The following HNRNPUL1 variants were observed in gnomAD, a reference collection of about 807,000 sequenced individuals.
HNRNPUL1 encodes heterogeneous nuclear ribonucleoprotein U like 1.
Under a neutral mutation model 108.5 loss-of-function variants are expected in HNRNPUL1, and 14 were observed. That is an observed-to-expected ratio of 0.13 (90% confidence interval 0.09 to 0.20). The LOEUF is 0.20. Ranked by LOEUF, HNRNPUL1 falls within the 10% of genes least tolerant of loss-of-function variation. The pLI, the probability that HNRNPUL1 is intolerant of heterozygous loss-of-function variation, is 1.00. For synonymous variants in HNRNPUL1, 422 were observed against 445.2 expected (o/e 0.95, Z 0.66); for missense variants, 804 against 1,168.3 (o/e 0.69, Z 4.55).
chr19:41,282,701 T>TG (rs898257251), intron 7 of HNRNPUL1, among the ~76,000 whole-genome samples: 1 of 150,266 alleles, frequency 6.7e-6, no homozygotes, highest in African/African-American at 2.4e-5. Context: ...TCTTTTTTTT[T>TG]TTTTTTGAGA....
In HNRNPUL1 at chr19:41,281,165, G is replaced by A; in HGVS notation, c.889G>A (p.Glu297Lys). Residue 297 changes from glutamate to lysine, a missense_variant and splice_region_variant, in exon 7 of 15, where the codon GAA becomes AAA. Physicochemically the swap from Glu to Lys is moderately conservative, Grantham distance 56. Transcript: ENST00000392006. ...SLDSCSTQLGEEPFSYGYGGT... is the reference protein window; with the variant it reads ...SLDSCSTQLGKEPFSYGYGGT... ...CCTTTGCCTATTTCTTCCGTCAGGCGAAGAGCCTTTCTCCTATGGCTATGG... is the reference window on the plus strand; with the variant it reads ...CCTTTGCCTATTTCTTCCGTCAGGCAAAGAGCCTTTCTCCTATGGCTATGG... 1 of 1,611,900 alleles carries A rather than the reference G, an allele frequency of 6.2e-7. No homozygotes were observed. Among genetic ancestry groups the A allele is most frequent in the Non-Finnish European group, 8.5e-7 (1 of 1,177,964 alleles).
rs372936991 is a variant in HNRNPUL1, at chr19:41,292,334, G to A, written c.1089G>A (p.Leu363=). ...CTTTCCGAATCCAGAAGGAAGCCTT[G>A]GGGGGTCAGGCCCTCTATCCTCATG... The part of the protein sequence containing the change: ...GIAFRIQKEA[L]GGQALYPHVL... Residue 363 remains leucine (L), a synonymous_variant, in exon 8 of 15, where the codon TTG becomes TTA. Coordinates refer to ENST00000392006, the MANE Select transcript of HNRNPUL1 (RefSeq NM_007040.6). The surrounding 1 kb of genome is among the most constrained non-coding windows in gnomAD (Gnocchi z 4.1). The A allele has an allele frequency of 2.5e-6, 4 of 1,614,086 alleles. No individual in the cohort carries two copies. The highest frequency in any genetic ancestry group is 3.3e-5 in the Admixed American group (2 of 60,008).
chr19:41,306,472 C>T lies in HNRNPUL1; in HGVS notation c.2478C>T (p.Tyr826=). 1 of 1,599,546 alleles carries T rather than the reference C, an allele frequency of 6.3e-7. No individual in the cohort carries two copies. Among genetic ancestry groups the T allele is most frequent in the Non-Finnish European group, 8.5e-7 (1 of 1,174,090 alleles). ...AGTATGCCCAGCAGTGGAACCAGTA[C>T]TATCAGAACCAGGGCCAGTGGCCGC... is the stretch of plus-strand genomic sequence containing the variant. ...YQQYAQQWNQ[Y]YQNQGQWPPY... is the part of the protein sequence containing the mutation. Residue 826 remains tyrosine, a synonymous_variant, in exon 15 of 15, where the codon TAC becomes TAT. Coordinates refer to ENST00000392006, the MANE Select transcript of HNRNPUL1 (RefSeq NM_007040.6).
At chr19:41,265,092 T>C in intron 1 of HNRNPUL1, 2 of 1,414,910 alleles carry the variant, frequency 1.4e-6, no homozygotes, top group Non-Finnish European at 9.2e-7. Context: ...AACTGCTTTC[T>C]GGAGCCGAAG....
Position 41,294,830 on chromosome 19 carries a change from A to G in HNRNPUL1, c.1518+144A>G. 1 of 912,452 alleles carries G rather than the reference A, an allele frequency of 1.1e-6. No homozygotes were observed. Among genetic ancestry groups the G allele is most frequent in the Non-Finnish European group, 1.7e-6 (1 of 595,268 alleles). 56.5% of individuals were successfully genotyped at this position (912,452 alleles called of 1,614,324 possible). On this transcript the variant is annotated intron_variant, in intron 10 of 14. Coordinates refer to ENST00000392006, the MANE Select transcript of HNRNPUL1 (RefSeq NM_007040.6). The surrounding 1 kb of genome is among the most constrained non-coding windows in gnomAD (Gnocchi z 4.3). ...TCGGGGGGGTCAGACCTTGTCATAC[A>G]TGATGACATGGTACTACACACAGCT...
chr19:41,269,693 CTCAGAAGACTGAG>C (rs2035095415), intron 2 of HNRNPUL1, among the ~76,000 whole-genome samples: 2 of 151,858 alleles, frequency 1.3e-5, no homozygotes, highest in Non-Finnish European at 2.9e-5. Context: ...GTCCCAGCTA[CTCAGAAGACTGAG>C]TCAGGAGGAT....
At chr19:41,276,455 C>A in intron 5 of HNRNPUL1, 157 bp downstream of exon 5, 1 of 685,532 alleles carries the variant, frequency 1.5e-6, no homozygotes, top group Non-Finnish European at 2.3e-6. Flanking sequence ...AAGACAACTA[C>A]ATCATTGCTA....
At chr19:41,299,059 C>T (rs908169223) in intron 10 of HNRNPUL1, 4 of 152,176 alleles carry the variant, frequency 2.6e-5, no homozygotes, top group African/African-American at 9.7e-5. Context: ...CCAGATGCCA[C>T]GTTCTGCTTT....
Position 41,304,195 on chromosome 19 carries a change from C to T in HNRNPUL1, c.2196C>T (p.Asn732=), listed in dbSNP as rs1172150222. Residue 732 remains asparagine (N), a synonymous_variant, in exon 13 of 15, where the codon AAC becomes AAT. Transcript: ENST00000392006. ...NPPGASTYNK[N]SNIPGSSANT... ...CAGGGGCCAGCACCTACAATAAGAA[C>T]AGCAACATCCCTGGCTCAAGCGCCA... The T allele has an allele frequency of 1.9e-6, 3 of 1,613,984 alleles. No homozygotes were observed. The highest frequency in any genetic ancestry group is 2.2e-5 in the East Asian group (1 of 44,896).
chr19:41,281,420 T>C, intron 7 of HNRNPUL1, 145 bp downstream of exon 7: 1 of 612,404 alleles, frequency 1.6e-6, no homozygotes. Context: ...CTGGAATGTT[T>C]ACTGTCATTT....
intron 5 of HNRNPUL1, chr19:41,276,821 A>T (rs956832006): frequency 1.6e-4 from 24 of 152,308 alleles, no homozygotes; most frequent in African/African-American, 5.1e-4. Flanking sequence ...TATTCTCGCC[A>T]GGTGTGGTGG....
chr19:41,266,006 G>A (rs1286922824), intron 1 of HNRNPUL1, among the ~76,000 whole-genome samples: 1 of 152,094 alleles, frequency 6.6e-6, no homozygotes, highest in Admixed American at 6.6e-5. Context: ...CCAGGGAGTG[G>A]GGGCCCTCGG....
chr19:41,268,149 G>T, intron 1 of HNRNPUL1, 74 bp from the exon 2 acceptor site: 1 of 1,484,760 alleles, frequency 6.7e-7, no homozygotes. Context: ...ACCTGCAGAT[G>T]CCTTCTGGAT....
chr19:41,266,525 T>C (rs2034856971), intron 1 of HNRNPUL1, among the ~76,000 whole-genome samples: 1 of 152,052 alleles, frequency 6.6e-6, no homozygotes, highest in African/African-American at 2.4e-5. Flanking sequence ...ACTCCTGGGT[T>C]CAGGTGATCT....
intron 3 of HNRNPUL1, among the ~76,000 whole-genome samples, chr19:41,273,218 C>T (rs1314517195): frequency 6.6e-6 from 1 of 152,154 alleles, no homozygotes. Context: ...ATGAGCACAG[C>T]TCATCCATGT....
At chr19:41,300,513 C>T (rs188494337) in intron 10 of HNRNPUL1, among the ~76,000 whole-genome samples, 1 of 152,240 alleles carries the variant, frequency 6.6e-6, no homozygotes, top group Non-Finnish European at 1.5e-5. Flanking sequence ...GGTCTTACTT[C>T]TAGAGGTTCA....
chr19:41,269,730 G>A (rs2122464347), intron 2 of HNRNPUL1, among the ~76,000 whole-genome samples: 1 of 152,208 alleles, frequency 6.6e-6, no homozygotes, highest in East Asian at 1.9e-4. Context: ...TTGAGCCCAG[G>A]AGTTCAAGGC....
chr19:41,282,639 C>T (rs1454879150), intron 7 of HNRNPUL1, among the ~76,000 whole-genome samples: 1 of 151,990 alleles, frequency 6.6e-6, no homozygotes, highest in Admixed American at 6.6e-5. Flanking sequence ...AACTCTTCAA[C>T]AATGTGTTTG....
intron 3 of HNRNPUL1, 86 bp downstream of exon 3, chr19:41,272,321 C>G (rs1214803297): frequency 6.1e-6 from 8 of 1,314,508 alleles, no homozygotes; most frequent in Non-Finnish European, 8.5e-6. Context: ...TTGCACTAAC[C>G]TAGAGGGGCT....
Sources: gnomAD v4.1 joint callset for allele counts (sites outside exome capture counted in the v4.1 genomes callset) on GRCh38, gnomAD v4.1.1 for gene constraint, Gnocchi (gnomAD v3.1) non-coding constraint, MANE v1.5 for transcripts, NCBI Gene and HGNC (gene_info 2026-07-23, HGNC 2026-07-21) for gene names.